TACC2: variants seen among roughly 807,000 people sequenced by gnomAD.
The protein encoded by TACC2 is transforming acidic coiled-coil-containing protein 2.
In TACC2, 137 loss-of-function variants were observed where a neutral mutation model predicts 227.3. The observed-to-expected ratio is 0.60, with a 90% CI of 0.52 to 0.69. The LOEUF (loss-of-function observed/expected upper bound fraction) is 0.69. TACC2 is among the 30% of genes least tolerant of loss of function. TACC2 has a pLI of 0.00. For synonymous variants in TACC2, 1,523 were observed against 1,487.5 expected, an observed-to-expected ratio of 1.02 and a Z score of -0.55; for missense variants, 3,470 against 3,694.4, an observed-to-expected ratio of 0.94 and a Z score of 1.57.
At chr10:122,037,268 G>A (rs1960708194) in intron 2 of TACC2, among the ~76,000 whole-genome samples, 1 of 152,258 alleles carries the variant, frequency 6.6e-6, no homozygotes, top group Admixed American at 6.5e-5. Flanking sequence ...CCAGGGAGCT[G>A]GGTGAGGGCT....
At chr10:122,037,795 G>A (rs1313006687) in intron 2 of TACC2, among the ~76,000 whole-genome samples, 1 of 152,224 alleles carries the variant, frequency 6.6e-6, no homozygotes, top group Non-Finnish European at 1.5e-5. Flanking sequence ...TGATCAAGGG[G>A]CAGAGCCCCT....
intron 5 of TACC2, among the ~76,000 whole-genome samples, chr10:122,098,834 A>G (rs2081793045): frequency 6.6e-6 from 1 of 152,088 alleles, no homozygotes; most frequent in South Asian, 2.1e-4. Context: ...ACTACCCTCT[A>G]ATGCTTCTTC....
In TACC2 at chr10:122,211,204, G is replaced by A; in HGVS notation, c.6779G>A (p.Gly2260Glu). Residue 2260 changes from glycine to glutamate, a missense_variant, in exon 9 of 23, where the codon GGG (glycine) becomes GAG (glutamate). Transcript: ENST00000369005. ...SGGQEDSPAKGLSVRLEFDYS... is the reference protein window; with the variant it reads ...SGGQEDSPAKELSVRLEFDYS... ...GGGCAAGAGGACTCTCCAGCCAAAG[G>A]GCTCTCCGTAAGGCTGGAGTTTGAC... 1 of 1,613,946 alleles carries A rather than the reference G, an allele frequency of 6.2e-7. No individual in the cohort carries two copies. The highest frequency in any genetic ancestry group is 1.3e-5 in the African/African-American group (1 of 75,026).
chr10:122,086,261 A>G lies in TACC2; in HGVS notation c.3761A>G (p.Lys1254Arg), dbSNP rs1234196865. ...AQRGAEDSGV[K>R]AVSSADPRAP... ...AGAGGAGCAGAAGACAGTGGAGTGA[A>G]AGCTGTTTCCTCTGCAGACCCCAGA... The change falls in exon 4 of 23, where the codon AAA becomes AGA. Residue 1254 changes from lysine to arginine, a missense_variant. Coordinates refer to ENST00000369005, the MANE Select transcript of TACC2 (RefSeq NM_206862.4). 1 of 1,613,968 alleles carries G rather than the reference A, an allele frequency of 6.2e-7. No individual in the cohort carries two copies. Among genetic ancestry groups the G allele is most frequent in the Admixed American group, 1.7e-5 (1 of 60,032 alleles).
intron 1 of TACC2, among the ~76,000 whole-genome samples, chr10:122,000,396 A>G (rs1449387394): frequency 6.6e-6 from 1 of 152,166 alleles, no homozygotes; most frequent in Non-Finnish European, 1.5e-5. Context: ...AGAGAGAAAG[A>G]AAATGCAAAT....
chr10:122,046,742 C>T (rs144192483), intron 2 of TACC2, among the ~76,000 whole-genome samples: 53 of 152,200 alleles, frequency 3.5e-4, no homozygotes, highest in African/African-American at 1.2e-3. Flanking sequence ...AAATCTTGCT[C>T]ATGGAATACT....
chr10:122,125,874 T>A (rs2086742016), intron 5 of TACC2, among the ~76,000 whole-genome samples: 2 of 147,974 alleles, frequency 1.4e-5, no homozygotes, highest in South Asian at 4.3e-4. Context: ...CCTCCCAGGT[T>A]CAAGCGATTC....
At chr10:122,221,834 C>T (rs545181248) in intron 11 of TACC2, among the ~76,000 whole-genome samples, 2 of 152,300 alleles carry the variant, frequency 1.3e-5, no homozygotes, top group African/African-American at 2.4e-5. Flanking sequence ...AGATATCAGG[C>T]GAGTTGGCTT....
In TACC2 at chr10:122,084,035, G is replaced by T. The variant is rs1303839850; in HGVS notation, c.1535G>T (p.Gly512Val). 5 of 1,613,824 alleles carry T rather than the reference G, an allele frequency of 3.1e-6. No homozygotes were observed. Reference sequence around the variant, plus strand: ...GAGCAAAGCCATGAGGTCCAACCAGGAGTACCACCCCCTCCTCTTCCCAAG... The same window carrying T: ...GAGCAAAGCCATGAGGTCCAACCAGTAGTACCACCCCCTCCTCTTCCCAAG... ...NTEQSHEVQP[G>V]VPPPPLPKEQ... is the part of the protein sequence containing the mutation. Residue 512 changes from glycine to valine, a missense_variant, in exon 4 of 23, where the codon GGA (glycine) becomes GTA (valine). By Grantham distance (109) the Gly-to-Val change is moderately radical (BLOSUM62 -3). This residue lies in a region of TACC2 where 1,924 missense variants were observed against 1,978.3 expected (regional missense o/e 0.97). Coordinates refer to ENST00000369005, the MANE Select transcript of TACC2 (RefSeq NM_206862.4).
chr10:122,058,399 C>A (rs1250297277), intron 3 of TACC2, among the ~76,000 whole-genome samples: 4 of 152,030 alleles, frequency 2.6e-5, no homozygotes, highest in South Asian at 2.1e-4. Flanking sequence ...CTGCAGGCTG[C>A]AACCCTTTAT....
At chr10:122,104,184 C>T (rs77741746) in intron 5 of TACC2, among the ~76,000 whole-genome samples, 1,959 of 152,176 alleles carry the variant, frequency 0.013, 47 homozygotes, top group African/African-American at 0.045. Context: ...ATTCTTACTG[C>T]CTAGAATATT....
In TACC2 at chr10:122,210,354, C is replaced by A; in HGVS notation, c.5972-43C>A. The A allele has an allele frequency of 1.3e-6, 2 of 1,494,862 alleles. No individual in the cohort carries two copies. The highest frequency in any genetic ancestry group is 1.9e-6 in the Non-Finnish European group (2 of 1,072,396). 92.6% of individuals were successfully genotyped at this position (1,494,862 alleles called of 1,614,324 possible). ...GTACAAGAGGAGAGGTGCCCCAATG[C>A]GTCCTGTGTCTGTAATTGATGGCGT... On this transcript the variant is annotated intron_variant, in intron 8 of 22. Transcript: ENST00000369005. The surrounding 1 kb of genome is among the most constrained non-coding windows in gnomAD (Gnocchi z 4.6).
At chr10:122,233,839 G>A (rs1198757444) in intron 16 of TACC2, among the ~76,000 whole-genome samples, 1 of 152,184 alleles carries the variant, frequency 6.6e-6, no homozygotes, top group Non-Finnish European at 1.5e-5. Flanking sequence ...CTGTGGGAGT[G>A]GCATAAGGCC....
In TACC2 at chr10:122,050,329, G is replaced by A; in HGVS notation, c.34-109G>A. ...TGTTTCGTTGGACGGCAGAGCAAGT[G>A]AACAACCTTACCTTGAATGCTGTGG... On this transcript the variant is annotated intron_variant, in intron 2 of 22. Coordinates refer to ENST00000369005, the MANE Select transcript of TACC2 (RefSeq NM_206862.4). The surrounding 1 kb of genome is among the most constrained non-coding windows in gnomAD (Gnocchi z 4.6). 1 of 824,218 alleles carries A rather than the reference G, an allele frequency of 1.2e-6. No individual in the cohort carries two copies. The highest frequency in any genetic ancestry group is 1.7e-5 in the South Asian group (1 of 59,974). The allele number at this position is 824,218 out of a possible 1,614,324, so 51.1% of individuals were successfully genotyped here. A position where few individuals can be genotyped will look rare whatever the true frequency, so the allele number is the denominator to read the frequency against.
At chr10:122,020,367 G>A (rs924582921) in intron 1 of TACC2, among the ~76,000 whole-genome samples, 1 of 151,884 alleles carries the variant, frequency 6.6e-6, no homozygotes, top group African/African-American at 2.4e-5. Context: ...AAAGGATTAA[G>A]GTATCATATC....
intron 7 of TACC2, among the ~76,000 whole-genome samples, chr10:122,191,370 A>G (rs2094404756): frequency 6.6e-6 from 1 of 152,190 alleles, no homozygotes; most frequent in Admixed American, 6.5e-5. Flanking sequence ...AAATGCTGGT[A>G]ATTATCATGC....
intron 2 of TACC2, among the ~76,000 whole-genome samples, chr10:122,040,085 A>AG (rs1491454531): frequency 6.6e-6 from 1 of 152,156 alleles, no homozygotes; most frequent in Non-Finnish European, 1.5e-5. Context: ...GGCTGTTCTC[A>AG]GGGGGCTCTA....
Position 122,100,093 on chromosome 10 carries a change from C to T in TACC2, c.5573+11502C>T, listed in dbSNP as rs568136041. ...CAGCCTGGCCAACAAGGCGAAACTC[C>T]GTCTCTACTAAAAATACAAAATTAG... On this transcript the variant is annotated intron_variant, in intron 5 of 22. Coordinates refer to ENST00000369005, the MANE Select transcript of TACC2 (RefSeq NM_206862.4). 9.2e-5 allele frequency among the ~76,000 whole-genome samples: 14 copies of T among 152,144 alleles called. No individual in the cohort carries two copies. In the South Asian group the frequency reaches 1.2e-3, roughly 14 times the overall value.
intron 2 of TACC2, among the ~76,000 whole-genome samples, chr10:122,036,538 T>C (rs1291751113): frequency 1.4e-5 from 2 of 145,062 alleles, no homozygotes; most frequent in Non-Finnish European, 1.5e-5. Flanking sequence ...CTCGCTCTGT[T>C]ACCCAGGCTG....
Sources: gnomAD v4.1 joint callset for allele counts (sites outside exome capture counted in the v4.1 genomes callset) on GRCh38, gnomAD v4.1.1 for gene constraint, gnomAD v4.1.1 regional missense constraint, Gnocchi (gnomAD v3.1) non-coding constraint, MANE v1.5 for transcripts, NCBI Gene and HGNC (gene_info 2026-07-23, HGNC 2026-07-21) for gene names.